The following TANC1 variants were observed in gnomAD, a reference collection of about 807,000 sequenced individuals.
The protein encoded by TANC1 is tetratricopeptide repeat, ankyrin repeat and coiled-coil containing 1, also known as protein TANC1.
TANC1 carries 77 observed loss-of-function variants against 149.7 expected under a neutral mutation model. The observed-to-expected ratio is 0.51, with a 90% CI of 0.43 to 0.62. The LOEUF is 0.62. Ranked by LOEUF, TANC1 falls within the 20% of genes least tolerant of loss-of-function variation. The pLI, the probability that TANC1 is intolerant of heterozygous loss-of-function variation, is 0.00. For synonymous variants in TANC1, 854 were observed against 925.0 expected, an observed-to-expected ratio of 0.92 and a Z score of 1.39; for missense variants, 1,985 against 2,321.8, an observed-to-expected ratio of 0.85 and a Z score of 2.98.
At chr2:159,015,732 TC>T (rs1354889592) in intron 2 of TANC1, among the ~76,000 whole-genome samples, 1 of 152,186 alleles carries the variant, frequency 6.6e-6, no homozygotes, top group Non-Finnish European at 1.5e-5. Context: ...AGTTCAGAGT[TC>T]CACAGATCTC....
intron 3 of TANC1, among the ~76,000 whole-genome samples, chr2:159,089,501 C>T (rs961232077): frequency 1.3e-5 from 2 of 152,164 alleles, no homozygotes; most frequent in African/African-American, 4.8e-5. Flanking sequence ...TCATTTCCTT[C>T]CTTTTTAGCA....
intron 1 of TANC1, among the ~76,000 whole-genome samples, chr2:158,998,060 A>G (rs2036293956): frequency 6.6e-6 from 1 of 152,290 alleles, no homozygotes; most frequent in African/African-American, 2.4e-5. Context: ...GGAGTTTGAG[A>G]CCAACCTGTG....
chr2:159,225,850 G>C, intron 24 of TANC1, 71 bp downstream of exon 24: 7 of 1,152,282 alleles, frequency 6.1e-6, no homozygotes, highest in Non-Finnish European at 9.0e-6. Flanking sequence ...GTACATAATG[G>C]CTACAGCTGT....
Position 159,199,042 on chromosome 2 carries a change from G to C in TANC1, c.3233G>C (p.Trp1078Ser), listed in dbSNP as rs2058063913. 1 of 1,613,512 alleles carries C rather than the reference G, an allele frequency of 6.2e-7. No individual in the cohort carries two copies. The highest frequency in any genetic ancestry group is 1.1e-5 in the South Asian group (1 of 91,064). ...GAAGTCAATGGCACCGACACATTGT[G>C]GGGAGAAACAGGTAATTATAATGCC... ...EVEVNGTDTL[W>S]GETALTAAAG... The change falls in exon 19 of 27, where the codon TGG becomes TCG. Residue 1078 changes from tryptophan to serine, a missense_variant. Physicochemically the swap from Trp to Ser is radical, Grantham distance 177 (BLOSUM62 -3). Coordinates refer to ENST00000263635, the MANE Select transcript of TANC1 (RefSeq NM_033394.3).
chr2:159,082,371 TAAA>T (rs5835731), intron 3 of TANC1, among the ~76,000 whole-genome samples: 3 of 148,136 alleles, frequency 2.0e-5, no homozygotes, highest in Admixed American at 6.7e-5. Context: ...TTAAACTTGT[TAAA>T]AAAAAAAAAA....
chr2:159,021,619 A>AAAAGAAAG (rs113106796), intron 2 of TANC1, among the ~76,000 whole-genome samples: 2 of 152,054 alleles, frequency 1.3e-5, no homozygotes, highest in African/African-American at 4.8e-5. Context: ...ATCTCTTTAA[A>AAAAGAAAG]AAAGAAAGAA....
intron 2 of TANC1, among the ~76,000 whole-genome samples, chr2:159,063,156 T>C (rs2042388894): frequency 6.6e-6 from 1 of 152,078 alleles, no homozygotes; most frequent in East Asian, 1.9e-4. Flanking sequence ...TTACGAGGTG[T>C]CTCTCAGTGT....
chr2:159,059,601 C>T (rs946313930), intron 2 of TANC1, among the ~76,000 whole-genome samples: 2 of 152,120 alleles, frequency 1.3e-5, no homozygotes, highest in African/African-American at 4.8e-5. Flanking sequence ...CCCCCGCACC[C>T]TGACACACTT....
At chr2:159,117,977 A>G (rs62171080) in intron 4 of TANC1, among the ~76,000 whole-genome samples, 3 of 84,740 alleles carry the variant, frequency 3.5e-5, no homozygotes, top group South Asian at 4.1e-4. Context: ...CTCTACTGGA[A>G]TTTTTCTGTA....
intron 5 of TANC1, among the ~76,000 whole-genome samples, chr2:159,137,759 C>A (rs1050534231): frequency 1.3e-5 from 2 of 152,188 alleles, no homozygotes; most frequent in African/African-American, 2.4e-5. Flanking sequence ...TGCTACCTAC[C>A]TCTTCCCTTC....
At chr2:159,129,817 C>G (rs909956644) in intron 4 of TANC1, among the ~76,000 whole-genome samples, 3 of 152,156 alleles carry the variant, frequency 2.0e-5, no homozygotes, top group Non-Finnish European at 4.4e-5. Flanking sequence ...GCCCATTTAT[C>G]TTAAATCTTG....
chr2:159,136,049 T>TGTGTGTGTGTGTGTGA, intron 4 of TANC1, 145 bp from the exon 5 acceptor site: 1 of 90,880 alleles, frequency 1.1e-5, no homozygotes, highest in Non-Finnish European at 2.1e-5. Context: ...TGTGTGTGTG[T>TGTGTGTGTGTGTGTGA]GCGCGCGCGC....
chr2:159,026,646 T>C (rs1004100053), intron 2 of TANC1, among the ~76,000 whole-genome samples: 5 of 152,212 alleles, frequency 3.3e-5, no homozygotes, highest in Non-Finnish European at 7.3e-5. Context: ...AGTCCTAAGG[T>C]GGCTCAGAGT....
Position 159,026,982 on chromosome 2 carries a change from A to AG in TANC1, c.-16+25793_-16+25794insG, listed in dbSNP as rs1173822871. 8.6e-5 allele frequency: 13 copies of AG among 151,954 alleles called. No individual in the cohort carries two copies. The East Asian group carries it at 2.5e-3, about 29-fold the overall frequency. 9.4% of individuals were successfully genotyped at this position (151,954 alleles called of 1,614,324 possible). A position where few individuals can be genotyped will look rare whatever the true frequency, so the allele number is the denominator to read the frequency against. ...TAATCTCCTTAACAAATGATCACCT[A>AG]CCCACAGCCTTGGTTTCCTCTCCTG... is the stretch of plus-strand genomic sequence containing the variant. On this transcript the variant is annotated intron_variant, in intron 2 of 26. Coordinates refer to ENST00000263635, the MANE Select transcript of TANC1 (RefSeq NM_033394.3).
At chr2:159,225,959 ATC>A (rs765284433) in intron 24 of TANC1, 180 bp downstream of exon 24, 1 of 640,344 alleles carries the variant, frequency 1.6e-6, no homozygotes, top group Non-Finnish European at 2.8e-6. Flanking sequence ...AGGTGGGCAG[ATC>A]ACTTGAGGCC....
At chr2:159,067,748 C>T (rs1202003349) in intron 3 of TANC1, among the ~76,000 whole-genome samples, 1 of 152,160 alleles carries the variant, frequency 6.6e-6, no homozygotes, top group Non-Finnish European at 1.5e-5. Flanking sequence ...CCAGGGTCCC[C>T]AAGCCTAAAC....
At chr2:159,096,222 C>A (rs1003601370) in intron 3 of TANC1, among the ~76,000 whole-genome samples, 2 of 149,894 alleles carry the variant, frequency 1.3e-5, no homozygotes, top group Non-Finnish European at 3.0e-5. Context: ...TACTAACGAG[C>A]GGGGAAGGTG....
chr2:159,025,296 T>C (rs1305953442), intron 2 of TANC1, among the ~76,000 whole-genome samples: 1 of 151,464 alleles, frequency 6.6e-6, no homozygotes, highest in Non-Finnish European at 1.5e-5. Flanking sequence ...CTTTCTTTTC[T>C]TGTGGTAAGT....
At chr2:159,089,535 A>G (rs145694700) in intron 3 of TANC1, among the ~76,000 whole-genome samples, 44 of 151,746 alleles carry the variant, frequency 2.9e-4, no homozygotes, top group African/African-American at 1.0e-3. Context: ...CTGTCCTCCC[A>G]TTACACTCCA....
Sources: allele counts gnomAD v4.1 joint callset (sites outside exome capture counted in the v4.1 genomes callset), GRCh38; gene constraint gnomAD v4.1.1; transcripts MANE v1.5; gene names NCBI Gene and HGNC (gene_info 2026-07-23, HGNC 2026-07-21).